Variants in KNTC1 observed in about 807,000 individuals in gnomAD.
KNTC1 encodes kinetochore-associated protein 1.
A neutral mutation model predicts 314.4 loss-of-function variants in KNTC1; 253 were observed. That is an observed-to-expected ratio of 0.80 (90% confidence interval 0.73 to 0.89). The LOEUF is 0.89. KNTC1 is among the 40% of genes least tolerant of loss of function. The pLI, the probability that KNTC1 is intolerant of heterozygous loss-of-function variation, is 0.00. For synonymous variants in KNTC1, 901 were observed against 901.4 expected, an observed-to-expected ratio of 1.00 and a Z score of 0.01; for missense variants, 2,475 against 2,572.9, an observed-to-expected ratio of 0.96 and a Z score of 0.82.
chr12:122,608,484 G>A (rs1470708468), intron 51 of KNTC1, among the ~76,000 whole-genome samples: 1 of 152,072 alleles, frequency 6.6e-6, no homozygotes, highest in Non-Finnish European at 1.5e-5. Context: ...GATTCAACAA[G>A]GATTTTTAAA....
intron 57 of KNTC1, chr12:122,617,379 T>C: frequency 2.2e-6 from 1 of 450,716 alleles, no homozygotes; most frequent in South Asian, 1.6e-5. Context: ...TACATTTTCT[T>C]TCCTCTTTTT....
At chr12:122,611,783 A>G (rs1873151242) in intron 53 of KNTC1, 1 of 152,220 alleles carries the variant, frequency 6.6e-6, no homozygotes, top group African/African-American at 2.4e-5. Context: ...TGTCACCTAC[A>G]TACATCCTCC....
chr12:122,559,947 A>G (rs188758043), intron 18 of KNTC1, among the ~76,000 whole-genome samples: 2 of 152,250 alleles, frequency 1.3e-5, no homozygotes, highest in East Asian at 3.9e-4. Context: ...CCATCTCCCC[A>G]ACTCTTTTCA....
intron 48 of KNTC1, 60 bp downstream of exon 48, chr12:122,603,303 C>A: frequency 8.8e-7 from 1 of 1,132,812 alleles, no homozygotes; most frequent in Non-Finnish European, 1.2e-6. Flanking sequence ...CTTTTTGCAT[C>A]TTTAAGGAGA....
intron 41 of KNTC1, 33 bp from the exon 42 acceptor site, chr12:122,591,303 AC>A (rs1870159774): frequency 9.3e-7 from 1 of 1,069,792 alleles, no homozygotes; most frequent in Non-Finnish European, 1.5e-6. Flanking sequence ...CATTCTACTT[AC>A]GATTGAACTT....
At position 122,585,637 on chromosome 12, in the gene KNTC1, CTTCTTTTGGGACA is replaced by C; in HGVS notation, c.3537_3549del (p.Ser1180IlefsTer29). 1 of 1,613,702 alleles carries C rather than the reference CTTCTTTTGGGACA, an allele frequency of 6.2e-7. No homozygotes were observed. Among genetic ancestry groups the C allele is most frequent in the Non-Finnish European group, 8.5e-7 (1 of 1,179,774 alleles). ...TTTTTTGTATGATTTGGCACCTAGG[CTTCTTTTGGGACA>C]CATAAAGATCCATATGAAGAGTGGT... On this transcript the variant is annotated frameshift_variant and splice_region_variant, in exon 37 of 64. Transcript: ENST00000333479. LOFTEE classifies it high-confidence loss of function.
intron 16 of KNTC1, 42 bp downstream of exon 16, chr12:122,551,738 C>G: frequency 7.1e-7 from 1 of 1,407,910 alleles, no homozygotes; most frequent in Non-Finnish European, 1.0e-6. Context: ...ACAAGCATTT[C>G]GTCATGGGCT....
chr12:122,586,849 G>C, intron 38 of KNTC1, 92 bp downstream of exon 38: 1 of 351,244 alleles, frequency 2.8e-6, no homozygotes, highest in Non-Finnish European at 4.3e-6. Flanking sequence ...GTCTTGCTCT[G>C]TTGCCCAGGC....
intron 22 of KNTC1, among the ~76,000 whole-genome samples, chr12:122,570,125 T>TA (rs1204073158): frequency 6.6e-6 from 1 of 151,986 alleles, no homozygotes; most frequent in Non-Finnish European, 1.5e-5. Flanking sequence ...CTCACGGCCA[T>TA]AGAGAGTAGG....
intron 41 of KNTC1, 73 bp from the exon 42 acceptor site, chr12:122,591,264 C>T (rs981440281): frequency 8.8e-6 from 7 of 795,868 alleles, no homozygotes; most frequent in African/African-American, 5.1e-5. Flanking sequence ...TTTATTGTTG[C>T]GTTTCGTCTA....
chr12:122,530,328 A>G (rs1961212351), intron 2 of KNTC1, 136 bp downstream of exon 2: 2 of 731,084 alleles, frequency 2.7e-6, no homozygotes, highest in Admixed American at 2.8e-5. Flanking sequence ...TCAGATTGCT[A>G]GAAATTCACG....
chr12:122,625,965 T>G (rs1166750821), intron 63 of KNTC1, among the ~76,000 whole-genome samples: 1 of 152,216 alleles, frequency 6.6e-6, no homozygotes, highest in East Asian at 1.9e-4. Context: ...CTTACAGGGC[T>G]TACCTCCAGG....
intron 34 of KNTC1, among the ~76,000 whole-genome samples, chr12:122,583,968 T>C (rs10847234): frequency 0.31 from 47,383 of 151,820 alleles, 8,871 homozygotes; most frequent in Admixed American, 0.4. Flanking sequence ...ACAAAAAAAA[T>C]TTAAAAATTA....
intron 20 of KNTC1, among the ~76,000 whole-genome samples, chr12:122,564,547 A>G (rs1361180135): frequency 2.6e-5 from 4 of 152,100 alleles, no homozygotes; most frequent in Admixed American, 6.6e-5. Context: ...TGGGATGCCA[A>G]GGATACCTGG....
At chr12:122,590,494 T>C (rs1870034564) in intron 40 of KNTC1, 113 bp from the exon 41 acceptor site, 65 of 1,095,658 alleles carry the variant, frequency 5.9e-5, no homozygotes, top group Non-Finnish European at 8.1e-5. Context: ...AAAGTTTTTT[T>C]TAAGTATAAA....
At position 122,622,523 on chromosome 12, in the gene KNTC1, C is replaced by T; in HGVS notation, c.6431C>T (p.Thr2144Ile). The change falls in exon 62 of 64, where the codon ACC becomes ATC. Residue 2144 changes from threonine (T) to isoleucine (I), a missense_variant. Physicochemically the swap from Thr to Ile is moderately conservative, Grantham distance 89. Transcript: ENST00000333479. ...NKKEFGILAK[T>I]KYFQMLKMHA... The stretch of plus-strand genomic sequence containing the variant: ...AAGGAGTTTGGGATTTTGGCAAAGA[C>T]CAAATACTTTCAAATGTTGAAGATG... 6.3e-7 allele frequency: 1 copy of T among 1,580,458 alleles called. No homozygotes were observed.
In KNTC1 at chr12:122,547,773, A is replaced by G. The variant is rs528804894; in HGVS notation, c.933-142A>G. On this transcript the variant is annotated intron_variant, in intron 11 of 63. Coordinates refer to ENST00000333479, the MANE Select transcript of KNTC1 (RefSeq NM_014708.6). ...AGAAATGGAATACAGTGTCTATTAC[A>G]TTTTATTTTTTATGGAAGAGTGTTA... is the stretch of plus-strand genomic sequence containing the variant. 1.3e-3 allele frequency: 814 copies of G among 611,850 alleles called. 3 individuals are homozygous for G. Among genetic ancestry groups the G allele is most frequent in the Non-Finnish European group, 2.1e-3 (748 of 358,232 alleles). 37.9% of individuals were successfully genotyped at this position (611,850 alleles called of 1,614,324 possible). A position where few individuals can be genotyped will look rare whatever the true frequency, so the allele number is the denominator to read the frequency against.
intron 33 of KNTC1, among the ~76,000 whole-genome samples, chr12:122,581,651 C>T (rs1458614390): frequency 6.6e-6 from 1 of 151,946 alleles, no homozygotes; most frequent in East Asian, 1.9e-4. Context: ...TGTGCCACCA[C>T]ACCTAGCTAG....
intron 20 of KNTC1, among the ~76,000 whole-genome samples, chr12:122,564,365 G>A (rs567543708): frequency 2.0e-5 from 3 of 152,224 alleles, no homozygotes; most frequent in African/African-American, 4.8e-5. Context: ...AAGTAATGAA[G>A]ATTTGTTTAA....
Sources: gnomAD v4.1 joint callset for allele counts (sites outside exome capture counted in the v4.1 genomes callset) on GRCh38, gnomAD v4.1.1 for gene constraint, MANE v1.5 for transcripts, NCBI Gene and HGNC (gene_info 2026-07-23, HGNC 2026-07-21) for gene names.